Variants in CEP112 observed in about 807,000 individuals in gnomAD.
CEP112 encodes centrosomal protein of 112 kDa.
In CEP112, 127 loss-of-function variants were observed where a neutral mutation model predicts 153.0. That is an observed-to-expected ratio of 0.83 (90% CI 0.72 to 0.96). The LOEUF is 0.96. CEP112 is among the 40% of genes least tolerant of loss of function. CEP112 has a pLI of 0.00. For synonymous variants in CEP112, 358 were observed against 374.4 expected (o/e 0.96, Z 0.51); for missense variants, 1,089 against 1,101.2 (o/e 0.99, Z 0.16).
At chr17:66,028,555 G>A (rs76894034) in intron 14 of CEP112, 150 bp from the exon 15 acceptor site, 5,854 of 419,806 alleles carry the variant, frequency 0.014, 57 homozygotes, top group Non-Finnish European at 0.018. Flanking sequence ...GTTTTTAAAA[G>A]ATACTAGAAA....
intron 18 of CEP112, among the ~76,000 whole-genome samples, chr17:65,928,387 T>C (rs908537941): frequency 6.6e-6 from 1 of 152,134 alleles, no homozygotes; most frequent in African/African-American, 2.4e-5. Context: ...CCTCAAAACA[T>C]TAAATAGAGT....
chr17:65,774,649 G>A (rs192470754), intron 21 of CEP112, among the ~76,000 whole-genome samples: 141 of 152,330 alleles, frequency 9.3e-4, no homozygotes, highest in Admixed American at 1.8e-3. Context: ...GGTGCTGGGT[G>A]CGTAGGTGAC....
chr17:66,176,716 A>T, intron 3 of CEP112, 114 bp downstream of exon 3: 1 of 670,304 alleles, frequency 1.5e-6, no homozygotes, highest in Non-Finnish European at 2.3e-6. Flanking sequence ...AAACAATTTT[A>T]ATATATTATC....
intron 19 of CEP112, among the ~76,000 whole-genome samples, chr17:65,912,950 TTG>T (rs1455118629): frequency 6.6e-6 from 1 of 152,224 alleles, no homozygotes; most frequent in Non-Finnish European, 1.5e-5. Context: ...GAAGTAATTG[TTG>T]TGTTTGCCAT....
intron 19 of CEP112, chr17:65,914,017 G>T: frequency 3.5e-6 from 1 of 289,186 alleles, no homozygotes; most frequent in Non-Finnish European, 5.2e-6. Flanking sequence ...AAGCCAGATA[G>T]TCAAATGCTT....
chr17:65,738,280 G>C (rs1029405736), intron 23 of CEP112, among the ~76,000 whole-genome samples: 4 of 152,148 alleles, frequency 2.6e-5, no homozygotes, highest in African/African-American at 9.7e-5. Context: ...AACCCGGACA[G>C]TGTGAAAATA....
rs74818173 is a variant in CEP112 at position 66,140,214 on chromosome 17, G to A, written c.471-7451C>T. Among the ~76,000 whole-genome samples the A allele has an allele frequency of 5.5e-3, 839 of 152,154 alleles. 4 individuals are homozygous for A. The highest frequency in any genetic ancestry group is 0.01 in the Middle Eastern group (3 of 294). ...TGGATCGATGCAGAAAGAGCATGAC[G>A]AAATTCAATATTTTTTTATGATAAA... On this transcript the variant is annotated intron_variant, in intron 4 of 26. Transcript: ENST00000535342.
intron 12 of CEP112, among the ~76,000 whole-genome samples, chr17:66,051,104 C>G (rs1413288617): frequency 6.6e-6 from 1 of 151,340 alleles, no homozygotes. Context: ...CTCAGCCTCC[C>G]AACTAACTGG....
intron 17 of CEP112, among the ~76,000 whole-genome samples, chr17:65,974,757 G>A (rs2062969441): frequency 6.6e-6 from 1 of 152,134 alleles, no homozygotes; most frequent in Non-Finnish European, 1.5e-5. Context: ...AAAACAATGA[G>A]ATATGCATGT....
At chr17:66,156,229 T>C (rs1189932859) in intron 4 of CEP112, among the ~76,000 whole-genome samples, 1 of 152,142 alleles carries the variant, frequency 6.6e-6, no homozygotes, top group Non-Finnish European at 1.5e-5. Flanking sequence ...CCACTGGCGA[T>C]ACCCAGGCAA....
At chr17:66,061,896 C>A (rs887678080) in intron 11 of CEP112, among the ~76,000 whole-genome samples, 1 of 152,018 alleles carries the variant, frequency 6.6e-6, no homozygotes, top group Non-Finnish European at 1.5e-5. Context: ...ATTGTAATCC[C>A]CATAATCCCT....
chr17:65,917,984 C>T (rs2060557887), intron 19 of CEP112, among the ~76,000 whole-genome samples: 1 of 152,046 alleles, frequency 6.6e-6, no homozygotes, highest in South Asian at 2.1e-4. Context: ...CAAGACCAGT[C>T]TGGGCAACAC....
intron 24 of CEP112, among the ~76,000 whole-genome samples, chr17:65,662,719 T>C (rs1243087916): frequency 6.6e-6 from 1 of 152,066 alleles, no homozygotes; most frequent in East Asian, 1.9e-4. Context: ...AATTCACGAT[T>C]TACAATTAGA....
intron 23 of CEP112, among the ~76,000 whole-genome samples, chr17:65,692,359 C>G (rs1432951152): frequency 1.3e-5 from 2 of 151,658 alleles, no homozygotes; most frequent in Middle Eastern, 3.4e-3. Flanking sequence ...CTCCAAGTAG[C>G]TGGGATTAAA....
chr17:66,119,457 C>A (rs951635587), intron 6 of CEP112, among the ~76,000 whole-genome samples: 9 of 152,160 alleles, frequency 5.9e-5, no homozygotes, highest in African/African-American at 2.2e-4. Flanking sequence ...TTCCACAATA[C>A]CATATAAATG....
chr17:66,055,575 G>A (rs2066646329), intron 11 of CEP112, among the ~76,000 whole-genome samples: 1 of 152,098 alleles, frequency 6.6e-6, no homozygotes, highest in Non-Finnish European at 1.5e-5. Context: ...GCAATTATAT[G>A]ATGTAGTGGT....
intron 17 of CEP112, among the ~76,000 whole-genome samples, chr17:65,982,296 TG>T (rs2063256789): frequency 6.6e-6 from 1 of 152,184 alleles, no homozygotes; most frequent in African/African-American, 2.4e-5. Context: ...CTTTTGGTAC[TG>T]ATTAGCAGAG....
At chr17:65,801,120 C>T (rs543919126) in intron 21 of CEP112, among the ~76,000 whole-genome samples, 4 of 152,034 alleles carry the variant, frequency 2.6e-5, no homozygotes, top group African/African-American at 2.4e-5. Flanking sequence ...GGCTGTAGTG[C>T]GCTGGTGCAC....
intron 23 of CEP112, among the ~76,000 whole-genome samples, chr17:65,712,087 C>T (rs2049219454): frequency 6.6e-6 from 1 of 152,088 alleles, no homozygotes; most frequent in Admixed American, 6.6e-5. Flanking sequence ...GCAGCCCTTC[C>T]CTGCTTGGTC....
Sources: gnomAD v4.1 joint callset for allele counts (sites outside exome capture counted in the v4.1 genomes callset) on GRCh38, gnomAD v4.1.1 for gene constraint, MANE v1.5 for transcripts, NCBI Gene and HGNC (gene_info 2026-07-23, HGNC 2026-07-21) for gene names.